The following ATG10 variants were observed in gnomAD, a reference collection of about 807,000 sequenced individuals.
ATG10 encodes ubiquitin-like-conjugating enzyme ATG10.
Under a neutral mutation model 32.1 loss-of-function variants are expected in ATG10, and 30 were observed. The ratio of observed to expected loss-of-function variants is 0.94; its 90% CI spans 0.70 to 1.27. The LOEUF is 1.27. Among genes scored for constraint, ATG10 ranks in the 50% most tolerant of loss-of-function variants. The pLI, the probability that ATG10 is intolerant of heterozygous loss-of-function variation, is 0.00. For missense variants in ATG10, 233 were observed against 262.3 expected, an observed-to-expected ratio of 0.89 and a Z score of 0.77; for synonymous variants, 87 against 91.5, an observed-to-expected ratio of 0.95 and a Z score of 0.28.
chr5:82,040,547 A>G (rs1229316242), intron 2 of ATG10, among the ~76,000 whole-genome samples: 2 of 152,226 alleles, frequency 1.3e-5, no homozygotes. Context: ...TGGCAAGGAT[A>G]CACATTATTT....
intron 3 of ATG10, among the ~76,000 whole-genome samples, chr5:82,151,813 C>G (rs1767607543): frequency 6.6e-6 from 1 of 150,790 alleles, no homozygotes; most frequent in Non-Finnish European, 1.5e-5. Context: ...TGACTAACGA[C>G]TCATTGAAAG....
At chr5:82,102,393 T>G (rs1216547706) in intron 3 of ATG10, among the ~76,000 whole-genome samples, 1 of 152,140 alleles carries the variant, frequency 6.6e-6, no homozygotes, top group African/African-American at 2.4e-5. Context: ...GAGTCTGTAG[T>G]AAGTAGACTG....
intron 3 of ATG10, among the ~76,000 whole-genome samples, chr5:82,125,297 C>A (rs1374544192): frequency 1.3e-5 from 2 of 152,096 alleles, no homozygotes; most frequent in Admixed American, 1.3e-4. Flanking sequence ...TTAATTAGAT[C>A]CCATTTTTCA....
rs545563250 is a variant in ATG10, at chr5:82,221,652, T to C, written c.454-30910T>C. 2.0e-5 allele frequency among the ~76,000 whole-genome samples: 3 copies of C among 152,338 alleles called. No homozygotes were observed. In the South Asian group the frequency reaches 6.2e-4, roughly 32 times the overall value. ...ATAGGACTCCGAAGCCACCATTTAT[T>C]TGATAGGACTCAAAAGCCACAATGT... On this transcript the variant is annotated intron_variant, in intron 5 of 7. Transcript: ENST00000282185.
intron 3 of ATG10, among the ~76,000 whole-genome samples, chr5:82,108,047 A>C (rs965413459): frequency 1.3e-5 from 2 of 152,024 alleles, no homozygotes; most frequent in African/African-American, 4.8e-5. Flanking sequence ...CAGAATGCTA[A>C]GGTAGAGTTA....
At chr5:82,105,751 A>G (rs1309598997) in intron 3 of ATG10, among the ~76,000 whole-genome samples, 4 of 152,112 alleles carry the variant, frequency 2.6e-5, no homozygotes, top group African/African-American at 9.7e-5. Flanking sequence ...GTCACCAGCC[A>G]GGCTTTGATT....
intron 3 of ATG10, among the ~76,000 whole-genome samples, chr5:82,062,856 A>G (rs1763826651): frequency 6.6e-6 from 1 of 152,186 alleles, no homozygotes; most frequent in Non-Finnish European, 1.5e-5. Context: ...AAAGCATTCC[A>G]TTTGAACTAC....
intron 3 of ATG10, among the ~76,000 whole-genome samples, chr5:82,123,285 G>T (rs1266931381): frequency 6.6e-6 from 1 of 152,140 alleles, no homozygotes; most frequent in African/African-American, 2.4e-5. Flanking sequence ...ATACCGTTAT[G>T]TTCTTACTTA....
chr5:82,169,546 C>T (rs932704249), intron 4 of ATG10, among the ~76,000 whole-genome samples: 17 of 152,138 alleles, frequency 1.1e-4, no homozygotes, highest in African/African-American at 2.6e-4. Flanking sequence ...GGGGCAAAAA[C>T]GACTCTAGTT....
chr5:82,146,962 G>C (rs1362665383), intron 3 of ATG10, among the ~76,000 whole-genome samples: 1 of 152,074 alleles, frequency 6.6e-6, no homozygotes, highest in Non-Finnish European at 1.5e-5. Context: ...TCAATTCTCT[G>C]TTCTTTCTAT....
chr5:82,071,863 A>T (rs1764142834), intron 3 of ATG10, among the ~76,000 whole-genome samples: 1 of 152,136 alleles, frequency 6.6e-6, no homozygotes, highest in South Asian at 2.1e-4. Context: ...TGAATCTGGG[A>T]TTCCTGTTCA....
intron 3 of ATG10, among the ~76,000 whole-genome samples, chr5:82,121,035 G>A (rs925143490): frequency 2.0e-5 from 3 of 152,052 alleles, no homozygotes; most frequent in African/African-American, 7.2e-5. Context: ...CAGTAATATG[G>A]GATTCAGTAA....
intron 3 of ATG10, among the ~76,000 whole-genome samples, chr5:82,141,635 A>G (rs1767144401): frequency 6.6e-6 from 1 of 152,066 alleles, no homozygotes; most frequent in African/African-American, 2.4e-5. Context: ...GCCAACAAAT[A>G]TAGCTTACTT....
At chr5:82,130,820 T>C (rs1416727974) in intron 3 of ATG10, among the ~76,000 whole-genome samples, 2 of 152,126 alleles carry the variant, frequency 1.3e-5, no homozygotes, top group African/African-American at 4.8e-5. Flanking sequence ...AAAATATCTT[T>C]ATCTTTAATG....
At chr5:82,100,391 T>C (rs1765229025) in intron 3 of ATG10, among the ~76,000 whole-genome samples, 1 of 152,088 alleles carries the variant, frequency 6.6e-6, no homozygotes, top group Non-Finnish European at 1.5e-5. Flanking sequence ...TTTCCCTGCA[T>C]ACGTACCCAT....
chr5:82,005,063 A>G (rs1029095525), intron 2 of ATG10, among the ~76,000 whole-genome samples: 4 of 152,206 alleles, frequency 2.6e-5, no homozygotes, highest in Non-Finnish European at 4.4e-5. Flanking sequence ...GGACTCATGT[A>G]TAAAATGATA....
intron 1 of ATG10, among the ~76,000 whole-genome samples, chr5:81,973,569 C>A (rs1039193436): frequency 2.6e-5 from 4 of 152,190 alleles, no homozygotes; most frequent in African/African-American, 9.7e-5. Flanking sequence ...GTCACAGGTT[C>A]ATTTTGAGTC....
chr5:82,064,639 C>T (rs1039974694), intron 3 of ATG10, among the ~76,000 whole-genome samples: 2 of 152,046 alleles, frequency 1.3e-5, no homozygotes, highest in South Asian at 2.1e-4. Flanking sequence ...TGGTCAATTA[C>T]TTCTATTACA....
chr5:82,142,997 G>C (rs1767211704), intron 3 of ATG10, among the ~76,000 whole-genome samples: 2 of 152,186 alleles, frequency 1.3e-5, no homozygotes, highest in South Asian at 2.1e-4. Flanking sequence ...ATTCAAGAAA[G>C]AGGTCTGGGC....
Sources: gnomAD v4.1 joint callset for allele counts (sites outside exome capture counted in the v4.1 genomes callset) on GRCh38, gnomAD v4.1.1 for gene constraint, MANE v1.5 for transcripts, NCBI Gene and HGNC (gene_info 2026-07-23, HGNC 2026-07-21) for gene names.